Variants in CNOT6L observed in about 807,000 individuals in gnomAD.
CNOT6L encodes CCR4-NOT transcription complex subunit 6 like.
In CNOT6L, 7 loss-of-function variants were observed where a neutral mutation model predicts 64.0. The ratio of observed to expected loss-of-function variants is 0.11; its 90% CI spans 0.06 to 0.21. The LOEUF (loss-of-function observed/expected upper bound fraction) is 0.21. Ranked by LOEUF, CNOT6L falls within the 10% of genes least tolerant of loss-of-function variation. CNOT6L has a pLI of 1.00. For missense variants in CNOT6L, 245 were observed against 669.0 expected, an observed-to-expected ratio of 0.37 and a Z score of 6.99; for synonymous variants, 193 against 243.4, an observed-to-expected ratio of 0.79 and a Z score of 1.93.
At chr4:77,750,151 T>C (rs1724697618) in intron 5 of CNOT6L, among the ~76,000 whole-genome samples, 1 of 152,220 alleles carries the variant, frequency 6.6e-6, no homozygotes, top group South Asian at 2.1e-4. Flanking sequence ...CTAAAAGTTA[T>C]AGTATAAAAT....
rs1560565930 is a variant in CNOT6L, at chr4:77,716,960, A to T, written c.*3471T>A. 1 of 152,584 alleles carries T rather than the reference A, an allele frequency of 6.6e-6. No individual in the cohort carries two copies. Among genetic ancestry groups the T allele is most frequent in the Non-Finnish European group, 1.5e-5 (1 of 68,020 alleles). The allele number at this position is 152,584 out of a possible 1,614,324, so 9.5% of individuals were successfully genotyped here. On this transcript the variant is annotated 3_prime_UTR_variant, in exon 12 of 12. Transcript: ENST00000504123. Reference sequence around the variant, plus strand: ...GTGCCATACCTGACTTCAACATGTGATATTCAAACGAATGTTCACACGCCT... The same window carrying T: ...GTGCCATACCTGACTTCAACATGTGTTATTCAAACGAATGTTCACACGCCT...
At chr4:77,803,658 C>A (rs1010724862) in intron 1 of CNOT6L, among the ~76,000 whole-genome samples, 1 of 152,170 alleles carries the variant, frequency 6.6e-6, no homozygotes, top group African/African-American at 2.4e-5. Context: ...AATCCCATCA[C>A]TTTGAGAGGC....
At chr4:77,728,767 AT>A in intron 10 of CNOT6L, 86 bp downstream of exon 10, 1 of 955,608 alleles carries the variant, frequency 1.0e-6, no homozygotes, top group South Asian at 1.4e-5. Flanking sequence ...TCCTTAATTT[AT>A]CTACTCAAAA....
intron 3 of CNOT6L, among the ~76,000 whole-genome samples, chr4:77,774,218 T>A (rs1391752768): frequency 1.3e-5 from 2 of 152,204 alleles, no homozygotes; most frequent in East Asian, 1.9e-4. Context: ...GTTTTATTCA[T>A]CAGCAAATCT....
At chr4:77,804,201 G>A (rs537166191) in intron 1 of CNOT6L, among the ~76,000 whole-genome samples, 1 of 152,252 alleles carries the variant, frequency 6.6e-6, no homozygotes, top group African/African-American at 2.4e-5. Context: ...GCCAAGGTGG[G>A]CAGATCACCT....
intron 7 of CNOT6L, among the ~76,000 whole-genome samples, chr4:77,743,586 CTTTTTTTTTTTTTTTTTTT>C (rs142888128): frequency 5.6e-5 from 4 of 70,872 alleles, no homozygotes; most frequent in African/African-American, 2.1e-4. Context: ...TAACACACAA[CTTTTTTTTTTTTTTTTTTT>C]TTTTTTTTTT....
chr4:77,764,013 T>C (rs1726532029), intron 4 of CNOT6L, among the ~76,000 whole-genome samples: 1 of 152,238 alleles, frequency 6.6e-6, no homozygotes, highest in South Asian at 2.1e-4. Flanking sequence ...TAAATGCTTA[T>C]ATTTGAAAGT....
At chr4:77,745,685 C>A (rs971120620) in intron 6 of CNOT6L, among the ~76,000 whole-genome samples, 1 of 152,078 alleles carries the variant, frequency 6.6e-6, no homozygotes, top group African/African-American at 2.4e-5. Context: ...ACTTTGTAGA[C>A]CTTATAAAGA....
At chr4:77,757,369 A>G (rs1355938136) in intron 4 of CNOT6L, among the ~76,000 whole-genome samples, 1 of 152,196 alleles carries the variant, frequency 6.6e-6, no homozygotes, top group African/African-American at 2.4e-5. Flanking sequence ...GAATATTTAT[A>G]TTACATATAG....
At chr4:77,816,686 CATT>C (rs1194941388) in intron 1 of CNOT6L, among the ~76,000 whole-genome samples, 1 of 152,130 alleles carries the variant, frequency 6.6e-6, no homozygotes, top group African/African-American at 2.4e-5. Flanking sequence ...TAAAGCTTAT[CATT>C]ATTGATACAA....
rs1426798037 is a variant in CNOT6L at position 77,742,199 on chromosome 4, T to C, written c.814A>G (p.Met272Val). The C allele has an allele frequency of 1.2e-6, 2 of 1,613,626 alleles. No homozygotes were observed. Among genetic ancestry groups the C allele is most frequent in the Admixed American group, 3.3e-5 (2 of 59,996 alleles). The change falls in exon 8 of 12, where the codon ATG becomes GTG. Residue 272 changes from methionine to valine, a missense_variant. By Grantham distance (21) the Met-to-Val change is conservative. Coordinates refer to ENST00000504123, the MANE Select transcript of CNOT6L (RefSeq NM_144571.3). ...ACATGCTTTCTCTCCTGCTCAGACATGATTTTGGCACGTGACTTTGGAGAA... is the reference window on the plus strand; with the variant it reads ...ACATGCTTTCTCTCCTGCTCAGACACGATTTTGGCACGTGACTTTGGAGAA... ...FFSPKSRAKI[M>V]SEQERKHVDG... is the part of the protein sequence containing the mutation.
intron 4 of CNOT6L, among the ~76,000 whole-genome samples, chr4:77,770,797 G>A (rs1727449853): frequency 6.6e-6 from 1 of 152,136 alleles, no homozygotes; most frequent in Non-Finnish European, 1.5e-5. Flanking sequence ...AGAATCGAAG[G>A]CCAGCCAAAG....
intron 1 of CNOT6L, among the ~76,000 whole-genome samples, chr4:77,799,081 T>G (rs999458264): frequency 2.0e-5 from 3 of 151,784 alleles, no homozygotes; most frequent in African/African-American, 4.8e-5. Flanking sequence ...ACCCAAAGAT[T>G]AAACTGAACT....
At chr4:77,801,690 T>TTG (rs1731581144) in intron 1 of CNOT6L, among the ~76,000 whole-genome samples, 1 of 52,070 alleles carries the variant, frequency 1.9e-5, no homozygotes, top group Non-Finnish European at 3.4e-5. Flanking sequence ...AGATAAAAAT[T>TTG]GGGGGGGGGG....
chr4:77,756,235 C>T (rs1004857067), intron 5 of CNOT6L, among the ~76,000 whole-genome samples: 4 of 152,154 alleles, frequency 2.6e-5, no homozygotes, highest in Non-Finnish European at 4.4e-5. Flanking sequence ...TCAGGTGATC[C>T]GCCTTCCTCG....
chr4:77,747,789 A>G (rs894869831), intron 6 of CNOT6L, among the ~76,000 whole-genome samples: 1 of 152,198 alleles, frequency 6.6e-6, no homozygotes, highest in Non-Finnish European at 1.5e-5. Context: ...ACTATGTACT[A>G]CTTCTACACC....
intron 8 of CNOT6L, among the ~76,000 whole-genome samples, chr4:77,736,418 CTG>C (rs1322701788): frequency 1.3e-5 from 2 of 152,190 alleles, no homozygotes; most frequent in African/African-American, 4.8e-5. Flanking sequence ...TTGTTTATAA[CTG>C]TAATAAATTT....
intron 1 of CNOT6L, among the ~76,000 whole-genome samples, chr4:77,815,565 A>G (rs1733477701): frequency 6.6e-6 from 1 of 152,194 alleles, no homozygotes; most frequent in Non-Finnish European, 1.5e-5. Context: ...ATATATGCTA[A>G]CATCTAAAAT....
At chr4:77,811,228 G>T (rs563548018) in intron 1 of CNOT6L, among the ~76,000 whole-genome samples, 1 of 152,282 alleles carries the variant, frequency 6.6e-6, no homozygotes, top group Admixed American at 6.5e-5. Context: ...CTCCAAATGT[G>T]CATGTGGACT....
Sources: allele counts gnomAD v4.1 joint callset (sites outside exome capture counted in the v4.1 genomes callset), GRCh38; gene constraint gnomAD v4.1.1; transcripts MANE v1.5; gene names NCBI Gene and HGNC (gene_info 2026-07-23, HGNC 2026-07-21).